The following KIAA0825 variants were observed in gnomAD, a reference collection of about 807,000 sequenced individuals.
KIAA0825 encodes uncharacterized protein KIAA0825.
Under a neutral mutation model 147.6 loss-of-function variants are expected in KIAA0825, and 119 were observed. The observed-to-expected ratio is 0.81, with a 90% CI of 0.69 to 0.94. The LOEUF (loss-of-function observed/expected upper bound fraction) is 0.94, where lower values mean the gene tolerates loss of function less well. Among genes scored for constraint, KIAA0825 ranks in the 40% least tolerant of loss-of-function variants. The pLI, the probability that KIAA0825 is intolerant of heterozygous loss-of-function variation, is 0.00. For missense variants in KIAA0825, 1,381 were observed against 1,472.7 expected (o/e 0.94, Z 1.02); for synonymous variants, 470 against 518.1 (o/e 0.91, Z 1.26).
rs1748527521 is a variant in KIAA0825, at chr5:94,382,337, G to C, written c.3710+2031C>G. Reference sequence around the variant, plus strand: ...ATTAAATGTACTATTAAAAAAATCGGCATTTTCAGATAAGTTCCAACAAGA... The same window carrying C: ...ATTAAATGTACTATTAAAAAAATCGCCATTTTCAGATAAGTTCCAACAAGA... On this transcript the variant is annotated intron_variant, in intron 20 of 20. Transcript: ENST00000682413. 2.0e-5 allele frequency among the ~76,000 whole-genome samples: 3 copies of C among 152,010 alleles called. 1 individual carries two copies. In the South Asian group the frequency reaches 6.2e-4, roughly 32 times the overall value.
In KIAA0825 at chr5:94,151,452, CAT is replaced by C. The variant is rs1318392716; in HGVS notation, c.*2553_*2554del. On this transcript the variant is annotated 3_prime_UTR_variant, in exon 21 of 21. Coordinates refer to ENST00000682413, the MANE Select transcript of KIAA0825 (RefSeq NM_001145678.3). ...AAAAAAAAAAAAAAAAAAAAAAAAA[CAT>C]ATTGAGTATAAAGTCAAAATAATCT... Among the ~76,000 whole-genome samples, 3 of 105,478 alleles carry C rather than the reference CAT, an allele frequency of 2.8e-5. No homozygotes were observed. Among genetic ancestry groups the C allele is most frequent in the Non-Finnish European group, 5.9e-5 (3 of 50,510 alleles). 69.2% of individuals were successfully genotyped at this position (105,478 alleles called of 152,430 possible).
chr5:94,255,559 A>AT (rs755416625), intron 20 of KIAA0825, among the ~76,000 whole-genome samples: 6 of 152,018 alleles, frequency 3.9e-5, no homozygotes, highest in Non-Finnish European at 5.9e-5. Flanking sequence ...AGAAAACCAC[A>AT]TGATGGCAGG....
intron 13 of KIAA0825, among the ~76,000 whole-genome samples, chr5:94,450,217 C>T (rs193272307): frequency 7.7e-4 from 116 of 151,372 alleles, no homozygotes; most frequent in African/African-American, 2.6e-3. Context: ...AACCCCACCA[C>T]TATATATCCT....
At chr5:94,530,295 A>AG (rs1770527665) in intron 3 of KIAA0825, among the ~76,000 whole-genome samples, 1 of 150,142 alleles carries the variant, frequency 6.7e-6, no homozygotes. Flanking sequence ...AAAAAAAAAA[A>AG]GGAATTACTT....
chr5:94,396,384 A>T lies in KIAA0825; in HGVS notation c.3013T>A (p.Phe1005Ile), dbSNP rs185381772. ...AGGCCAGCTTTCTTCAATTCAACAA[A>T]TTTTTTTGACATTTTTCTCTCAGAC... ...FLSERKMSKK[F>I]VELKKAGLLV... The change falls in exon 17 of 21, where the codon TTT becomes ATT. Residue 1005 changes from phenylalanine to isoleucine, a missense_variant. By Grantham distance (21) the Phe-to-Ile change is conservative. Transcript: ENST00000682413. 630 of 1,550,308 alleles carry T rather than the reference A, an allele frequency of 4.1e-4. No individual in the cohort carries two copies. The highest frequency in any genetic ancestry group is 3.4e-3 in the Admixed American group (173 of 50,662).
chr5:94,544,586 G>GC (rs1236442033), intron 2 of KIAA0825, among the ~76,000 whole-genome samples: 11 of 152,026 alleles, frequency 7.2e-5, no homozygotes, highest in Non-Finnish European at 1.5e-4. Flanking sequence ...TATCCCAATG[G>GC]CACCTCAAAT....
chr5:94,616,118 C>T (rs1345567044), intron 1 of KIAA0825, among the ~76,000 whole-genome samples: 1 of 152,114 alleles, frequency 6.6e-6, no homozygotes, highest in African/African-American at 2.4e-5. Context: ...TAATCCCAAA[C>T]TTCATAAGCA....
chr5:94,157,428 C>T (rs976267031), intron 20 of KIAA0825, among the ~76,000 whole-genome samples: 6 of 152,032 alleles, frequency 3.9e-5, no homozygotes, highest in African/African-American at 1.4e-4. Context: ...AGATATGGGT[C>T]CCTTTTCCTA....
chr5:94,331,490 G>A (rs1173088415), intron 20 of KIAA0825, among the ~76,000 whole-genome samples: 9 of 152,116 alleles, frequency 5.9e-5, no homozygotes, highest in Admixed American at 1.3e-4. Context: ...TATTCCAAGC[G>A]TCTAAGTAGA....
intron 20 of KIAA0825, among the ~76,000 whole-genome samples, chr5:94,196,555 AT>A (rs1437841659): frequency 2.0e-5 from 3 of 151,658 alleles, no homozygotes; most frequent in Non-Finnish European, 4.4e-5. Flanking sequence ...TGTACAGATT[AT>A]TTTATCACCC....
intron 3 of KIAA0825, among the ~76,000 whole-genome samples, chr5:94,535,864 T>G (rs1771898315): frequency 6.6e-6 from 1 of 152,342 alleles, no homozygotes; most frequent in South Asian, 2.1e-4. Context: ...TAGGATGAAC[T>G]ATGTGTGACA....
chr5:94,233,017 A>G (rs894427151), intron 20 of KIAA0825, among the ~76,000 whole-genome samples: 1 of 152,216 alleles, frequency 6.6e-6, no homozygotes, highest in Non-Finnish European at 1.5e-5. Context: ...ACAGGAAATT[A>G]TATTGTTTTA....
intron 20 of KIAA0825, among the ~76,000 whole-genome samples, chr5:94,209,123 G>A (rs1772470517): frequency 6.6e-6 from 1 of 152,182 alleles, no homozygotes; most frequent in South Asian, 2.1e-4. Context: ...ATAATTTTAG[G>A]TAATGGAAGT....
intron 5 of KIAA0825, among the ~76,000 whole-genome samples, chr5:94,493,734 C>G (rs561220152): frequency 6.6e-6 from 1 of 152,060 alleles, no homozygotes; most frequent in Non-Finnish European, 1.5e-5. Flanking sequence ...GGGATCTGCC[C>G]GCCTCGGCCT....
chr5:94,523,190 T>C (rs1182611878), intron 4 of KIAA0825, among the ~76,000 whole-genome samples: 1 of 151,664 alleles, frequency 6.6e-6, no homozygotes, highest in African/African-American at 2.4e-5. Flanking sequence ...TAGTCAATGT[T>C]TGATGTTTAG....
At chr5:94,357,855 C>T (rs1313501192) in intron 20 of KIAA0825, among the ~76,000 whole-genome samples, 3 of 150,882 alleles carry the variant, frequency 2.0e-5, no homozygotes, top group Non-Finnish European at 2.9e-5. Flanking sequence ...AGACAAAAGA[C>T]GTATTCAAGT....
intron 20 of KIAA0825, among the ~76,000 whole-genome samples, chr5:94,284,558 T>C (rs991906533): frequency 2.6e-5 from 4 of 152,090 alleles, no homozygotes; most frequent in African/African-American, 9.7e-5. Context: ...ATCAGTGCCC[T>C]CCCTCCCCTC....
intron 14 of KIAA0825, among the ~76,000 whole-genome samples, chr5:94,429,190 T>C (rs564440495): frequency 1.3e-5 from 2 of 152,308 alleles, no homozygotes; most frequent in African/African-American, 4.8e-5. Flanking sequence ...TTCTGTCCTT[T>C]CTGAGTTTCA....
At chr5:94,328,886 T>C (rs958167858) in intron 20 of KIAA0825, among the ~76,000 whole-genome samples, 1 of 152,100 alleles carries the variant, frequency 6.6e-6, no homozygotes, top group East Asian at 1.9e-4. Flanking sequence ...GTTATTAAAC[T>C]AAAAGTATGT....
Sources: allele counts gnomAD v4.1 joint callset (sites outside exome capture counted in the v4.1 genomes callset), GRCh38; gene constraint gnomAD v4.1.1; transcripts MANE v1.5; gene names NCBI Gene and HGNC (gene_info 2026-07-23, HGNC 2026-07-21).